TPST1: variants seen among roughly 807,000 people sequenced by gnomAD.
The protein encoded by TPST1 is protein-tyrosine sulfotransferase 1.
TPST1 carries 20 observed loss-of-function variants against 34.8 expected under a neutral mutation model. The ratio of observed to expected loss-of-function variants is 0.57; its 90% CI spans 0.40 to 0.84. The LOEUF (loss-of-function observed/expected upper bound fraction) is 0.84. Ranked by LOEUF, TPST1 falls within the 40% of genes least tolerant of loss-of-function variation. The probability of loss-of-function intolerance (pLI) is 0.00; values close to 1 mark genes in which losing one functional copy is unlikely to be tolerated. For synonymous variants in TPST1, 152 were observed against 159.4 expected (o/e 0.95, Z 0.35); for missense variants, 353 against 455.5 (o/e 0.78, Z 2.05).
In TPST1 at chr7:66,223,919, T is replaced by C. The variant is rs192084043; in HGVS notation, c.-101-16406T>C. Among the ~76,000 whole-genome samples, 315 of 152,308 alleles carry C rather than the reference T, an allele frequency of 2.1e-3. 1 individual carries two copies. Among genetic ancestry groups the C allele is most frequent in the African/African-American group, 6.9e-3 (288 of 41,562 alleles). ...CTTGAACCTTTACAGATGTTTTGCT[T>C]TAGTTTAACTTGTGCTCCTGTCTCC... On this transcript the variant is annotated intron_variant, in intron 1 of 5. Coordinates refer to ENST00000304842, the MANE Select transcript of TPST1 (RefSeq NM_003596.4).
intron 2 of TPST1, among the ~76,000 whole-genome samples, chr7:66,251,620 G>A (rs1790263192): frequency 6.6e-6 from 1 of 152,168 alleles, no homozygotes. Context: ...AAACTAACAT[G>A]GCAGGTTGGG....
At chr7:66,257,028 T>C (rs1451767119) in intron 2 of TPST1, among the ~76,000 whole-genome samples, 1 of 152,064 alleles carries the variant, frequency 6.6e-6, no homozygotes, top group Non-Finnish European at 1.5e-5. Flanking sequence ...CTCACTGCAG[T>C]CTCAACCTCC....
intron 3 of TPST1, among the ~76,000 whole-genome samples, chr7:66,315,679 T>C (rs1791618467): frequency 6.6e-6 from 1 of 152,202 alleles, no homozygotes; most frequent in Non-Finnish European, 1.5e-5. Flanking sequence ...GATTGAATAG[T>C]ATAAATATCT....
chr7:66,232,165 CTA>C (rs1408122105), intron 1 of TPST1, among the ~76,000 whole-genome samples: 3 of 147,048 alleles, frequency 2.0e-5, no homozygotes, highest in African/African-American at 7.6e-5. Context: ...CACATGGTAA[CTA>C]TTTTTTAATT....
At chr7:66,308,748 G>A (rs934028455) in intron 3 of TPST1, among the ~76,000 whole-genome samples, 2 of 152,098 alleles carry the variant, frequency 1.3e-5, no homozygotes, top group Non-Finnish European at 2.9e-5. Flanking sequence ...AGCTTTTTAG[G>A]GATGTTGTTG....
chr7:66,268,705 ATT>A (rs35475107), intron 2 of TPST1, among the ~76,000 whole-genome samples: 1 of 146,210 alleles, frequency 6.8e-6, no homozygotes, highest in Non-Finnish European at 1.5e-5. Flanking sequence ...ACTGTAAACG[ATT>A]TTTTTTTTTT....
At chr7:66,301,714 C>G (rs183677925) in intron 3 of TPST1, among the ~76,000 whole-genome samples, 1 of 152,280 alleles carries the variant, frequency 6.6e-6, no homozygotes, top group East Asian at 1.9e-4. Flanking sequence ...AGAACATACA[C>G]AACATTGATT....
At chr7:66,204,871 A>C (rs1376303829), upstream of TPST1, among the ~76,000 whole-genome samples, 4 of 152,264 alleles carry the variant, frequency 2.6e-5, no homozygotes, top group Admixed American at 1.3e-4. Flanking sequence ...CTTCTCTGCC[A>C]GCAGCGGGCA....
chr7:66,321,119 A>G (rs1434191755), intron 3 of TPST1, among the ~76,000 whole-genome samples: 1 of 152,236 alleles, frequency 6.6e-6, no homozygotes, highest in Non-Finnish European at 1.5e-5. Flanking sequence ...TTACAGCAAA[A>G]GGATATGAAG....
chr7:66,349,263 TGA>T (rs1207239151), intron 3 of TPST1, among the ~76,000 whole-genome samples: 2 of 152,096 alleles, frequency 1.3e-5, no homozygotes, highest in African/African-American at 2.4e-5. Flanking sequence ...TCTGAATGTC[TGA>T]GAGAGTGTGA....
chr7:66,351,730 A>G (rs547728715), intron 3 of TPST1, among the ~76,000 whole-genome samples: 1 of 149,744 alleles, frequency 6.7e-6, no homozygotes, highest in South Asian at 2.1e-4. Context: ...GAGAATGGCT[A>G]TCTTTATTAT....
At chr7:66,268,705 A>ATT (rs35475107) in intron 2 of TPST1, among the ~76,000 whole-genome samples, 2 of 146,232 alleles carry the variant, frequency 1.4e-5, no homozygotes, top group Non-Finnish European at 3.0e-5. Context: ...ACTGTAAACG[A>ATT]TTTTTTTTTT....
At chr7:66,265,727 A>T (rs1790579661) in intron 2 of TPST1, among the ~76,000 whole-genome samples, 2 of 152,318 alleles carry the variant, frequency 1.3e-5, no homozygotes, top group South Asian at 4.1e-4. Context: ...AAAGCCAAAG[A>T]TAGAATCTTT....
At chr7:66,338,412 A>G (rs1792166385) in intron 3 of TPST1, among the ~76,000 whole-genome samples, 1 of 152,194 alleles carries the variant, frequency 6.6e-6, no homozygotes, top group Non-Finnish European at 1.5e-5. Flanking sequence ...TTCAATGTGA[A>G]CAGATCATCC....
chr7:66,236,179 G>A (rs776254974), intron 1 of TPST1, among the ~76,000 whole-genome samples: 7 of 152,038 alleles, frequency 4.6e-5, no homozygotes, highest in Non-Finnish European at 1.0e-4. Flanking sequence ...TAGTGATTTG[G>A]GGGCCCCAAG....
At chr7:66,221,534 T>G (rs1381356977) in intron 1 of TPST1, 1 of 152,182 alleles carries the variant, frequency 6.6e-6, no homozygotes, top group African/African-American at 2.4e-5. Context: ...CAGATAGAAT[T>G]GTCCCTTAGC....
At position 66,314,830 on chromosome 7, in the gene TPST1, C is replaced by T. The variant is rs558184364; in HGVS notation, c.1044+28121C>T. ...AAACATATCTAAACATAGGAAGATA[C>T]AGTAAAAATACAGAATTATAATCTT... On this transcript the variant is annotated intron_variant, in intron 3 of 5. Transcript: ENST00000304842. 6.6e-5 allele frequency among the ~76,000 whole-genome samples: 10 copies of T among 152,248 alleles called. No individual in the cohort carries two copies. In the East Asian group the frequency reaches 1.7e-3, roughly 26 times the overall value.
chr7:66,356,909 C>T (rs1792593602), intron 5 of TPST1, 38 bp downstream of exon 5: 1 of 1,609,816 alleles, frequency 6.2e-7, no homozygotes, highest in South Asian at 1.1e-5. Context: ...TTTCTGTTTC[C>T]CACTCGGGCT....
intron 3 of TPST1, among the ~76,000 whole-genome samples, chr7:66,304,397 C>G (rs1014780940): frequency 3.3e-5 from 5 of 152,104 alleles, no homozygotes; most frequent in African/African-American, 1.2e-4. Context: ...ATCTGACTGC[C>G]CTGACCTCTT....
Sources: allele counts gnomAD v4.1 joint callset (sites outside exome capture counted in the v4.1 genomes callset), GRCh38; gene constraint gnomAD v4.1.1; transcripts MANE v1.5; gene names NCBI Gene and HGNC (gene_info 2026-07-23, HGNC 2026-07-21).